The following PTPRQ variants were observed in gnomAD, a reference collection of about 807,000 sequenced individuals.
PTPRQ encodes phosphatidylinositol phosphatase PTPRQ.
Under a neutral mutation model 246.0 loss-of-function variants are expected in PTPRQ, and 199 were observed. The ratio of observed to expected loss-of-function variants is 0.81; its 90% CI spans 0.72 to 0.91. The LOEUF (loss-of-function observed/expected upper bound fraction) is 0.91. Among genes scored for constraint, PTPRQ ranks in the 40% least tolerant of loss-of-function variants. The pLI, the probability that PTPRQ is intolerant of heterozygous loss-of-function variation, is 0.00. For synonymous variants in PTPRQ, 869 were observed against 853.2 expected (o/e 1.02, Z -0.32); for missense variants, 2,624 against 2,528.4 (o/e 1.04, Z -0.81).
Position 80,673,215 on chromosome 12 carries a change from A to T in PTPRQ, c.6649A>T (p.Thr2217Ser), listed in dbSNP as rs948009510. 16 of 1,550,988 alleles carry T rather than the reference A, an allele frequency of 1.0e-5. No homozygotes were observed. Among genetic ancestry groups the T allele is most frequent in the Non-Finnish European group, 1.3e-5 (15 of 1,146,496 alleles). ...TGVFIALDHL[T>S]QHINDHDFVD... ...AGTTTTTATTGCTCTGGACCATTTA[A>T]CACAACATATAAATGACCATGATTT... The change falls in exon 43 of 45, where the codon ACA (threonine) becomes TCA (serine). Residue 2217 changes from threonine to serine, a missense_variant. Coordinates refer to ENST00000644991, the MANE Select transcript of PTPRQ (RefSeq NM_001145026.2).
chr12:80,598,304 T>A (rs946321925), intron 26 of PTPRQ, among the ~76,000 whole-genome samples: 4 of 152,000 alleles, frequency 2.6e-5, no homozygotes, highest in Non-Finnish European at 5.9e-5. Context: ...ACAGTGGTGA[T>A]GCGTTTTGGT....
intron 17 of PTPRQ, among the ~76,000 whole-genome samples, chr12:80,510,831 G>C (rs1280100187): frequency 6.6e-6 from 1 of 151,998 alleles, no homozygotes; most frequent in Non-Finnish European, 1.5e-5. Context: ...ATTTAAAATA[G>C]CTATTTTTAA....
chr12:80,618,498 G>A (rs1426094497), intron 30 of PTPRQ, among the ~76,000 whole-genome samples: 1 of 150,938 alleles, frequency 6.6e-6, no homozygotes, highest in African/African-American at 2.4e-5. Flanking sequence ...AATTATCATG[G>A]CTCTTCTAGA....
At chr12:80,566,378 T>G (rs1896979504) in intron 25 of PTPRQ, among the ~76,000 whole-genome samples, 1 of 151,826 alleles carries the variant, frequency 6.6e-6, no homozygotes, top group South Asian at 2.1e-4. Flanking sequence ...CTTGGGAGGC[T>G]GAGGCAGGAG....
intron 25 of PTPRQ, among the ~76,000 whole-genome samples, chr12:80,564,928 T>G (rs895208174): frequency 2.6e-5 from 4 of 152,208 alleles, no homozygotes; most frequent in African/African-American, 9.6e-5. Context: ...TTCATTAACA[T>G]GTATAGATAC....
At chr12:80,473,517 T>C (rs1346382028) in intron 8 of PTPRQ, among the ~76,000 whole-genome samples, 4 of 152,228 alleles carry the variant, frequency 2.6e-5, no homozygotes, top group Non-Finnish European at 2.9e-5. Context: ...ATTTCTATTC[T>C]TGTTATACAA....
Position 80,496,360 on chromosome 12 carries a change from G to T in PTPRQ, c.2101G>T (p.Val701Leu). The T allele has an allele frequency of 6.4e-7, 1 of 1,550,710 alleles. No homozygotes were observed. Among genetic ancestry groups the T allele is most frequent in the Non-Finnish European group, 8.7e-7 (1 of 1,146,402 alleles). The change falls in exon 14 of 45, where the codon GTG (valine) becomes TTG (leucine). Residue 701 changes from valine (V) to leucine (L), a missense_variant. By Grantham distance (32) the Val-to-Leu change is conservative. Transcript: ENST00000644991. ...CAATGGGATCATTATTGCTTATGAAGTGCTATATAAAAATATAGATACTTT... is the reference window on the plus strand; with the variant it reads ...CAATGGGATCATTATTGCTTATGAATTGCTATATAAAAATATAGATACTTT... ...KPNGIIIAYE[V>L]LYKNIDTLYM...
Position 80,620,304 on chromosome 12 carries a change from A to T in PTPRQ, c.5540A>T (p.Asp1847Val). 6.5e-7 allele frequency: 1 copy of T among 1,549,578 alleles called. No homozygotes were observed. The highest frequency in any genetic ancestry group is 2.0e-5 in the Admixed American group (1 of 50,842). ...GNEEIYIIGA[D>V]NACMIPGNED... is the part of the protein sequence containing the mutation. ...GAAGAAATCTACATCATAGGTGCTGATAATGCATGCATGATTCCTGGCAAT... is the reference window on the plus strand; with the variant it reads ...GAAGAAATCTACATCATAGGTGCTGTTAATGCATGCATGATTCCTGGCAAT... The change falls in exon 32 of 45, where the codon GAT becomes GTT. Residue 1847 changes from aspartate to valine, a missense_variant. Asp to Val is a radical substitution (Grantham distance 152). Coordinates refer to ENST00000644991, the MANE Select transcript of PTPRQ (RefSeq NM_001145026.2).
At position 80,496,385 on chromosome 12, in the gene PTPRQ, T is replaced by C; in HGVS notation, c.2126T>C (p.Leu709Ser). The C allele has an allele frequency of 6.4e-7, 1 of 1,550,560 alleles. No individual in the cohort carries two copies. Among genetic ancestry groups the C allele is most frequent in the Admixed American group, 2.0e-5 (1 of 50,940 alleles). ...YEVLYKNIDT[L>S]YMKNTSTTDI... ...GTGCTATATAAAAATATAGATACTTTATATATGAAGAACACATCAACAACA... is the reference window on the plus strand; with the variant it reads ...GTGCTATATAAAAATATAGATACTTCATATATGAAGAACACATCAACAACA... Residue 709 changes from leucine to serine, a missense_variant, in exon 14 of 45, where the codon TTA (leucine) becomes TCA (serine). By Grantham distance (145) the Leu-to-Ser change is moderately radical. Coordinates refer to ENST00000644991, the MANE Select transcript of PTPRQ (RefSeq NM_001145026.2).
chr12:80,558,669 G>T (rs1896734724), intron 25 of PTPRQ, among the ~76,000 whole-genome samples: 1 of 151,988 alleles, frequency 6.6e-6, no homozygotes, highest in Admixed American at 6.5e-5. Flanking sequence ...TGAGTCATAT[G>T]GTAGTTGCAT....
chr12:80,622,471 A>G (rs1321249108), intron 33 of PTPRQ, among the ~76,000 whole-genome samples: 1 of 151,974 alleles, frequency 6.6e-6, no homozygotes, highest in African/African-American at 2.4e-5. Flanking sequence ...GTGGTGGTGC[A>G]TGCTACTGGC....
At position 80,678,614 on chromosome 12, in the gene PTPRQ, T is replaced by G; in HGVS notation, c.6751T>G (p.Phe2251Val). 6.5e-7 allele frequency: 1 copy of G among 1,549,088 alleles called. No homozygotes were observed. Among genetic ancestry groups the G allele is most frequent in the Admixed American group, 2.0e-5 (1 of 50,710 alleles). ...CTTTGGTGTCTAGGCACAGTATATC[T>G]TTTTACACCAGTGCATTCTGGATCT... ...CMVQNLAQYI[F>V]LHQCILDLLS... is the part of the protein sequence containing the mutation. Residue 2251 changes from phenylalanine to valine, a missense_variant, in exon 44 of 45, where the codon TTT (phenylalanine) becomes GTT (valine). By Grantham distance (50) the Phe-to-Val change is conservative. Transcript: ENST00000644991.
At position 80,472,024 on chromosome 12, in the gene PTPRQ, G is replaced by A; in HGVS notation, c.1040-81G>A. The A allele has an allele frequency of 2.7e-6, 4 of 1,500,942 alleles. No individual in the cohort carries two copies. The South Asian group carries it at 3.9e-5, about 15-fold the overall frequency. 93.0% of individuals were successfully genotyped at this position (1,500,942 alleles called of 1,614,324 possible). On this transcript the variant is annotated intron_variant, in intron 7 of 44. Transcript: ENST00000644991. ...TGCATAGGTTAACACTTGAATTGTT[G>A]TCTTTGGCTCTGTACTTAAATGTGA...
intron 14 of PTPRQ, among the ~76,000 whole-genome samples, chr12:80,500,585 A>G (rs1430265385): frequency 6.6e-6 from 1 of 152,080 alleles, no homozygotes; most frequent in Non-Finnish European, 1.5e-5. Context: ...GCATAGCATC[A>G]CAAATTCCCT....
Position 80,613,808 on chromosome 12 carries a change from TA to T in PTPRQ, c.5139del (p.Gly1714ValfsTer23). On this transcript the variant is annotated frameshift_variant, in exon 29 of 45. Coordinates refer to ENST00000644991, the MANE Select transcript of PTPRQ (RefSeq NM_001145026.2). LOFTEE classifies it high-confidence loss of function. ...TTCGTCATTGCAATGCTAGAAGGAC[TA>T]AAAGGTGGACATACATACAATATCA... ...NTFVIAMLEGLKGGHTYNISV... is the reference protein window; with the variant it reads ...NTFVIAMLEGXKGGHTYNISV... 3.2e-6 allele frequency: 5 copies of T among 1,539,438 alleles called. No individual in the cohort carries two copies. The South Asian group carries it at 4.9e-5, about 15-fold the overall frequency.
At chr12:80,535,497 G>A (rs933423325) in intron 19 of PTPRQ, among the ~76,000 whole-genome samples, 2 of 152,002 alleles carry the variant, frequency 1.3e-5, no homozygotes, top group Admixed American at 6.6e-5. Context: ...TTGATAGCAG[G>A]AAGGGTTATT....
At chr12:80,557,336 C>G (rs770497419) in intron 25 of PTPRQ, among the ~76,000 whole-genome samples, 22 of 151,896 alleles carry the variant, frequency 1.4e-4, no homozygotes, top group Non-Finnish European at 2.9e-4. Flanking sequence ...TTACTTTTCT[C>G]TTTTGGATAT....
At position 80,533,109 on chromosome 12, in the gene PTPRQ, A is replaced by G. The variant is rs377165043; in HGVS notation, c.2679-906A>G. On this transcript the variant is annotated intron_variant, in intron 17 of 44. Transcript: ENST00000644991. The stretch of plus-strand genomic sequence containing the variant: ...ATATACTTTTTCAGTGTTACTGATC[A>G]TATTCCCTTATCTAAATTCTTTAAT... Among the ~76,000 whole-genome samples, 3 of 152,318 alleles carry G rather than the reference A, an allele frequency of 2.0e-5. No homozygotes were observed. In the East Asian group the frequency reaches 5.8e-4, roughly 29 times the overall value.
intron 30 of PTPRQ, among the ~76,000 whole-genome samples, 181 bp downstream of exon 30, chr12:80,616,447 G>A (rs1898765657): frequency 6.6e-6 from 1 of 150,530 alleles, no homozygotes; most frequent in Non-Finnish European, 1.5e-5. Flanking sequence ...ATGATGATGT[G>A]AATTACCATG....
Sources: gnomAD v4.1 joint callset for allele counts (sites outside exome capture counted in the v4.1 genomes callset) on GRCh38, gnomAD v4.1.1 for gene constraint, MANE v1.5 for transcripts, NCBI Gene and HGNC (gene_info 2026-07-23, HGNC 2026-07-21) for gene names.